The following MYRIP variants were observed in gnomAD, a reference collection of about 807,000 sequenced individuals.
MYRIP encodes rab effector MyRIP.
Under a neutral mutation model 98.0 loss-of-function variants are expected in MYRIP, and 49 were observed. The ratio of observed to expected loss-of-function variants is 0.50; its 90% CI spans 0.40 to 0.63. The LOEUF is 0.63. Ranked by LOEUF, MYRIP falls within the 30% of genes least tolerant of loss-of-function variation. The probability of loss-of-function intolerance (pLI) is 0.00; values close to 1 mark genes in which losing one functional copy is unlikely to be tolerated. For missense variants in MYRIP, 1,004 were observed against 1,058.2 expected, an observed-to-expected ratio of 0.95 and a Z score of 0.71; for synonymous variants, 404 against 409.5, an observed-to-expected ratio of 0.99 and a Z score of 0.16.
In MYRIP at chr3:40,233,976, G is replaced by T. The variant is rs764083813; in HGVS notation, c.2023G>T (p.Asp675Tyr). ...GPWESPQVPP[D>Y]RQKGMFPRGT... is the part of the protein sequence containing the mutation. ...CTGGGAGTCCCCACAAGTCCCTCCT[G>T]ACAGACAGAAGGGGATGTTTCCTCG... Residue 675 changes from aspartate (D) to tyrosine (Y), a missense_variant, in exon 12 of 17, where the codon GAC (aspartate) becomes TAC (tyrosine). Physicochemically the swap from Asp to Tyr is radical, Grantham distance 160. This residue lies in a region of MYRIP where 880 missense variants were observed against 907.7 expected (regional missense o/e 0.97). Coordinates refer to ENST00000302541, the MANE Select transcript of MYRIP (RefSeq NM_015460.4). 1 of 1,613,596 alleles carries T rather than the reference G, an allele frequency of 6.2e-7. No homozygotes were observed. The highest frequency in any genetic ancestry group is 1.1e-5 in the South Asian group (1 of 90,888).
chr3:40,164,568 T>A (rs1234473953), intron 5 of MYRIP, among the ~76,000 whole-genome samples: 1 of 152,232 alleles, frequency 6.6e-6, no homozygotes, highest in East Asian at 1.9e-4. Flanking sequence ...ATCTAAAGAA[T>A]ACCTTCATGG....
At position 40,190,550 on chromosome 3, in the gene MYRIP, GT is replaced by G; in HGVS notation, c.1665+90del. On this transcript the variant is annotated intron_variant, in intron 10 of 16. Coordinates refer to ENST00000302541, the MANE Select transcript of MYRIP (RefSeq NM_015460.4). ...AAGCACAAGTGGCATAGAGTCCTGG[GT>G]TTGGAATCCGCAGACCCAGATTCTC... 6 of 1,487,820 alleles carry G rather than the reference GT, an allele frequency of 4.0e-6. No individual in the cohort carries two copies. In the South Asian group the frequency reaches 8.4e-5, roughly 21 times the overall value. 92.2% of individuals were successfully genotyped at this position (1,487,820 alleles called of 1,614,324 possible). A position where few individuals can be genotyped will look rare whatever the true frequency, so the allele number is the denominator to read the frequency against.
intron 11 of MYRIP, among the ~76,000 whole-genome samples, chr3:40,225,523 C>T (rs553720519): frequency 4.5e-4 from 68 of 152,318 alleles, no homozygotes; most frequent in African/African-American, 1.5e-3. Flanking sequence ...GAATTATGCA[C>T]ATGGAAGAAG....
Position 39,861,067 on chromosome 3 carries a change from C to T in MYRIP, c.-30-39720C>T, listed in dbSNP as rs147105699. The stretch of plus-strand genomic sequence containing the variant: ...GTCCCACTGCAACCCACTAGTGGAG[C>T]GCTTTGGCTGGCACCACCCATAAGG... On this transcript the variant is annotated intron_variant, in intron 1 of 16. Transcript: ENST00000302541. Among the ~76,000 whole-genome samples, 63 of 152,350 alleles carry T rather than the reference C, an allele frequency of 4.1e-4. No individual in the cohort carries two copies. The East Asian group carries it at 8.9e-3, about 21-fold the overall frequency.
At chr3:40,028,188 G>C (rs1413112290) in intron 2 of MYRIP, among the ~76,000 whole-genome samples, 1 of 152,146 alleles carries the variant, frequency 6.6e-6, no homozygotes, top group African/African-American at 2.4e-5. Context: ...GTCAGAGCTG[G>C]CGTGGTGATA....
intron 1 of MYRIP, among the ~76,000 whole-genome samples, chr3:39,856,151 C>A (rs919031342): frequency 6.6e-6 from 1 of 152,232 alleles, no homozygotes; most frequent in African/African-American, 2.4e-5. Flanking sequence ...CCCCCTCTTA[C>A]ACTTTGGGAA....
At chr3:39,948,684 C>A (rs564156555) in intron 2 of MYRIP, among the ~76,000 whole-genome samples, 1 of 151,762 alleles carries the variant, frequency 6.6e-6, no homozygotes, top group South Asian at 2.1e-4. Context: ...GTGAGAGAGG[C>A]TAGCCAGAGT....
At chr3:40,095,311 T>A (rs1948805414) in intron 3 of MYRIP, among the ~76,000 whole-genome samples, 1 of 152,164 alleles carries the variant, frequency 6.6e-6, no homozygotes, top group African/African-American at 2.4e-5. Flanking sequence ...GGTCATGGCA[T>A]CCTTCTTTGA....
chr3:40,067,883 A>G (rs1217955949), intron 3 of MYRIP, among the ~76,000 whole-genome samples: 2 of 152,196 alleles, frequency 1.3e-5, no homozygotes, highest in African/African-American at 4.8e-5. Context: ...TATCATCCAT[A>G]TAACCTCATA....
intron 2 of MYRIP, among the ~76,000 whole-genome samples, chr3:39,958,048 G>T (rs1285917352): frequency 6.6e-6 from 1 of 152,104 alleles, no homozygotes; most frequent in Non-Finnish European, 1.5e-5. Context: ...ACAAATGGAA[G>T]AACATTCCAT....
intron 1 of MYRIP, among the ~76,000 whole-genome samples, chr3:39,816,436 G>A (rs1443153421): frequency 2.0e-5 from 3 of 152,138 alleles, no homozygotes; most frequent in Non-Finnish European, 4.4e-5. Flanking sequence ...AACTCCCCTT[G>A]TAGGTATTTT....
At chr3:40,023,725 G>GC (rs1003055819) in intron 2 of MYRIP, among the ~76,000 whole-genome samples, 4 of 152,142 alleles carry the variant, frequency 2.6e-5, no homozygotes, top group East Asian at 3.9e-4. Flanking sequence ...CAAGCTTCCA[G>GC]CCCCCTGTGC....
intron 2 of MYRIP, among the ~76,000 whole-genome samples, chr3:39,948,654 A>T (rs1944948937): frequency 6.6e-6 from 1 of 152,098 alleles, no homozygotes; most frequent in African/African-American, 2.4e-5. Flanking sequence ...AGAGAGGTTA[A>T]GAGTCAAAGA....
At chr3:40,060,485 C>T (rs1042883085) in intron 3 of MYRIP, among the ~76,000 whole-genome samples, 8 of 151,520 alleles carry the variant, frequency 5.3e-5, no homozygotes, top group African/African-American at 9.7e-5. Context: ...GGTTATTTTG[C>T]GAATAAGGCT....
At chr3:39,880,447 G>A (rs573252878) in intron 1 of MYRIP, among the ~76,000 whole-genome samples, 1 of 152,314 alleles carries the variant, frequency 6.6e-6, no homozygotes, top group Non-Finnish European at 1.5e-5. Context: ...CTAAGGAGTA[G>A]GCATTCTCAA....
intron 5 of MYRIP, 46 bp from the exon 6 acceptor site, chr3:40,166,800 T>A (rs1188029644): frequency 1.1e-5 from 14 of 1,256,598 alleles, no homozygotes; most frequent in Non-Finnish European, 1.6e-5. Flanking sequence ...ATCGTTTTAC[T>A]CATCATTCCC....
At chr3:40,036,209 T>A (rs1182044419) in intron 2 of MYRIP, among the ~76,000 whole-genome samples, 3 of 143,874 alleles carry the variant, frequency 2.1e-5, no homozygotes, top group Non-Finnish European at 4.5e-5. Flanking sequence ...TACAGAAAAT[T>A]TAAAAATTCT....
rs548416919 is a variant in MYRIP, at chr3:39,942,961, C to A, written c.110+42035C>A. On this transcript the variant is annotated intron_variant, in intron 2 of 16. Coordinates refer to ENST00000302541, the MANE Select transcript of MYRIP (RefSeq NM_015460.4). ...ATTTCACTTAACATAATGACCTCCA[C>A]TTTTAAAAAATTAAATGAGATAGTT... is the stretch of plus-strand genomic sequence containing the variant. Among the ~76,000 whole-genome samples, 144 of 152,286 alleles carry A rather than the reference C, an allele frequency of 9.5e-4. 1 individual carries two copies. The highest frequency in any genetic ancestry group is 3.4e-3 in the Middle Eastern group (1 of 294).
Position 40,162,891 on chromosome 3 carries a change from C to T in MYRIP, c.550+81C>T, listed in dbSNP as rs534132801. ...ACAGGTACAGGTACTGCCAGGGTCC[C>T]CCAGATGCATTGTTACCCCAGATGC... is the stretch of plus-strand genomic sequence containing the variant. On this transcript the variant is annotated intron_variant, in intron 5 of 16. Transcript: ENST00000302541. The T allele has an allele frequency of 3.8e-5, 50 of 1,305,822 alleles. No homozygotes were observed. The African/African-American group carries it at 4.8e-4, about 13-fold the overall frequency. 80.9% of individuals were successfully genotyped at this position (1,305,822 alleles called of 1,614,324 possible). A position where few individuals can be genotyped will look rare whatever the true frequency, so the allele number is the denominator to read the frequency against.
Sources: allele counts gnomAD v4.1 joint callset (sites outside exome capture counted in the v4.1 genomes callset), GRCh38; gene constraint gnomAD v4.1.1; regional missense constraint gnomAD v4.1.1; transcripts MANE v1.5; gene names NCBI Gene and HGNC (gene_info 2026-07-23, HGNC 2026-07-21).